The following BMPR1A variants were observed in gnomAD, a reference collection of about 807,000 sequenced individuals.
BMPR1A encodes bone morphogenetic protein receptor type 1A, also known as bone morphogenetic protein receptor type-1A.
A neutral mutation model predicts 66.0 loss-of-function variants in BMPR1A; 7 were observed. The ratio of observed to expected loss-of-function variants is 0.11; its 90% confidence interval spans 0.06 to 0.20. The LOEUF is 0.20. BMPR1A is among the 10% of genes least tolerant of loss of function. The pLI is 1.00. For synonymous variants in BMPR1A, 200 were observed against 229.7 expected, an observed-to-expected ratio of 0.87 and a Z score of 1.17; for missense variants, 408 against 669.1, an observed-to-expected ratio of 0.61 and a Z score of 4.31.
intron 2 of BMPR1A, among the ~76,000 whole-genome samples, chr10:86,871,522 A>C (rs1339173798): frequency 6.6e-6 from 1 of 152,212 alleles, no homozygotes; most frequent in Non-Finnish European, 1.5e-5. Context: ...TAGATTATTT[A>C]GTCTAGGGCC....
chr10:86,869,251 A>G (rs1842823153), intron 2 of BMPR1A, among the ~76,000 whole-genome samples: 1 of 151,984 alleles, frequency 6.6e-6, no homozygotes. Context: ...GAGGTCCAGG[A>G]GTTCAAGACC....
At chr10:86,771,777 A>C (rs1841265891) in intron 1 of BMPR1A, among the ~76,000 whole-genome samples, 2 of 152,104 alleles carry the variant, frequency 1.3e-5, no homozygotes, top group African/African-American at 4.8e-5. Context: ...TGATTGATTG[A>C]AGCAGGGTCT....
chr10:86,888,469 A>G (rs1843100421), intron 3 of BMPR1A, among the ~76,000 whole-genome samples: 1 of 152,108 alleles, frequency 6.6e-6, no homozygotes, highest in South Asian at 2.1e-4. Context: ...CTCTATCTCA[A>G]ATAAAAATGT....
At chr10:86,791,729 C>CTTCCTTCT (rs1841627776) in intron 1 of BMPR1A, among the ~76,000 whole-genome samples, 2 of 112,072 alleles carry the variant, frequency 1.8e-5, no homozygotes, top group African/African-American at 6.9e-5. Flanking sequence ...TCCTTCCTTC[C>CTTCCTTCT]TTCCCTCCCT....
At chr10:86,819,588 C>T (rs773028382) in intron 1 of BMPR1A, among the ~76,000 whole-genome samples, 14 of 152,182 alleles carry the variant, frequency 9.2e-5, no homozygotes, top group Admixed American at 4.6e-4. Flanking sequence ...CGTGAGCCAC[C>T]GTGCCCGGCC....
At chr10:86,854,252 C>T (rs1396863099) in intron 2 of BMPR1A, among the ~76,000 whole-genome samples, 1 of 152,174 alleles carries the variant, frequency 6.6e-6, no homozygotes, top group Non-Finnish European at 1.5e-5. Context: ...ATTGCTGTTA[C>T]CCTGTTCTTT....
intron 1 of BMPR1A, among the ~76,000 whole-genome samples, chr10:86,794,824 CTATAGA>C (rs1329476270): frequency 4.7e-5 from 7 of 148,414 alleles, no homozygotes; most frequent in East Asian, 2.0e-4. Flanking sequence ...ATATCTATAT[CTATAGA>C]TATAGATATA....
chr10:86,832,821 A>T (rs529346415), intron 1 of BMPR1A, among the ~76,000 whole-genome samples: 89 of 152,212 alleles, frequency 5.8e-4, no homozygotes, highest in Non-Finnish European at 1.1e-3. Flanking sequence ...CAATTGATGG[A>T]TGTTTGGATT....
chr10:86,930,462 A>T (rs986985819), downstream of BMPR1A: 1 of 152,204 alleles, frequency 6.6e-6, no homozygotes, highest in African/African-American at 2.4e-5. Context: ...TATTTTTAGT[A>T]GAGACGGGGT....
intron 1 of BMPR1A, among the ~76,000 whole-genome samples, chr10:86,837,053 T>G (rs772880775): frequency 7.9e-5 from 12 of 152,218 alleles, no homozygotes; most frequent in Non-Finnish European, 1.6e-4. Flanking sequence ...GTTTGAAAGC[T>G]CTTTTGGTTA....
At chr10:86,778,903 G>T (rs1010159359) in intron 1 of BMPR1A, among the ~76,000 whole-genome samples, 3 of 150,524 alleles carry the variant, frequency 2.0e-5, no homozygotes, top group African/African-American at 7.3e-5. Flanking sequence ...TGCTGTGAAT[G>T]AGTGGATTTT....
intron 2 of BMPR1A, among the ~76,000 whole-genome samples, chr10:86,839,583 A>T (rs1306823170): frequency 2.4e-5 from 3 of 123,766 alleles, no homozygotes; most frequent in Non-Finnish European, 3.3e-5. Context: ...ACAGAGTGAG[A>T]CTCTGTCTCA....
intron 1 of BMPR1A, among the ~76,000 whole-genome samples, chr10:86,808,520 A>G (rs896206752): frequency 6.6e-5 from 10 of 152,162 alleles, no homozygotes; most frequent in African/African-American, 1.9e-4. Flanking sequence ...TGTAACGTCA[A>G]TTCACCGAAA....
chr10:86,886,329 G>A (rs1369868776), intron 3 of BMPR1A, among the ~76,000 whole-genome samples: 5 of 152,154 alleles, frequency 3.3e-5, no homozygotes, highest in African/African-American at 1.2e-4. Flanking sequence ...ACAGATTTGT[G>A]TTTATAAAAT....
At chr10:86,892,723 C>T (rs1459776802) in intron 5 of BMPR1A, among the ~76,000 whole-genome samples, 1 of 152,042 alleles carries the variant, frequency 6.6e-6, no homozygotes, top group African/African-American at 2.4e-5. Flanking sequence ...CCACTGTGCC[C>T]AGCCTGATTA....
At chr10:86,773,683 C>T (rs1461947280) in intron 1 of BMPR1A, among the ~76,000 whole-genome samples, 2 of 150,790 alleles carry the variant, frequency 1.3e-5, no homozygotes, top group Non-Finnish European at 2.9e-5. Context: ...AGAATGGAAT[C>T]TAAACACTGA....
chr10:86,922,537 C>A (rs918684844), intron 11 of BMPR1A, among the ~76,000 whole-genome samples: 1 of 152,160 alleles, frequency 6.6e-6, no homozygotes, highest in Non-Finnish European at 1.5e-5. Context: ...TGTGGTTGTC[C>A]CAATGGCTAA....
intron 1 of BMPR1A, among the ~76,000 whole-genome samples, chr10:86,826,137 CA>C (rs5786748): frequency 0.31 from 47,076 of 151,866 alleles, 8,247 homozygotes; most frequent in East Asian, 0.67. Flanking sequence ...AAGTAAGCTG[CA>C]AACATCTTGA....
chr10:86,824,432 C>T (rs1164894923), intron 1 of BMPR1A, among the ~76,000 whole-genome samples: 2 of 152,132 alleles, frequency 1.3e-5, no homozygotes, highest in Non-Finnish European at 2.9e-5. Flanking sequence ...TAATTAACTA[C>T]CTGCCTCTCA....
Sources: allele counts gnomAD v4.1 joint callset (sites outside exome capture counted in the v4.1 genomes callset), GRCh38; gene constraint gnomAD v4.1.1; transcripts MANE v1.5; gene names NCBI Gene and HGNC (gene_info 2026-07-23, HGNC 2026-07-21).